TSEN2: variants seen among roughly 807,000 people sequenced by gnomAD.
TSEN2 encodes the protein tRNA-splicing endonuclease subunit Sen2.
In TSEN2, 54 loss-of-function variants were observed where a neutral mutation model predicts 59.2. The ratio of observed to expected loss-of-function variants is 0.91; its 90% confidence interval spans 0.73 to 1.14. The LOEUF (loss-of-function observed/expected upper bound fraction) is 1.14. TSEN2 is among the 50% of genes most tolerant of loss of function. The probability of loss-of-function intolerance (pLI) is 0.00; values close to 1 mark genes in which losing one functional copy is unlikely to be tolerated. For missense variants in TSEN2, 636 were observed against 576.2 expected (o/e 1.10, Z -1.06); for synonymous variants, 195 against 198.2 (o/e 0.98, Z 0.14).
rs1474370107 is a variant in TSEN2 at position 12,503,722 on chromosome 3, TACGTG to T, written c.770_774del (p.Tyr257SerfsTer18). On this transcript the variant is annotated frameshift_variant, in exon 5 of 12. Transcript: ENST00000284995. LOFTEE classifies it high-confidence loss of function. Reference sequence around the variant, plus strand: ...TGGGGACAGAGGGCCTGACCATGAGTACGTGCTGGTCGAGGAAGCGGAGTGTGCCA... The same window carrying T: ...TGGGGACAGAGGGCCTGACCATGAGTCTGGTCGAGGAAGCGGAGTGTGCCA... The T allele has an allele frequency of 1.9e-6, 3 of 1,613,836 alleles. No homozygotes were observed. In the African/African-American group the frequency reaches 4.0e-5, roughly 22 times the overall value.
At chr3:12,517,470 A>G (rs1269631187) in intron 7 of TSEN2, among the ~76,000 whole-genome samples, 1 of 152,170 alleles carries the variant, frequency 6.6e-6, no homozygotes, top group African/African-American at 2.4e-5. Flanking sequence ...ACCTATGTCC[A>G]AGTAACTCCA....
intron 7 of TSEN2, among the ~76,000 whole-genome samples, chr3:12,517,516 T>G (rs1351618478): frequency 6.6e-6 from 1 of 152,136 alleles, no homozygotes; most frequent in Non-Finnish European, 1.5e-5. Context: ...GCCTGCTGCC[T>G]TTGGAAGGGA....
intron 3 of TSEN2, among the ~76,000 whole-genome samples, chr3:12,493,115 C>T (rs1317680139): frequency 2.0e-5 from 3 of 152,004 alleles, no homozygotes; most frequent in Admixed American, 1.3e-4. Flanking sequence ...AACTTCATTC[C>T]GTTTTATAGT....
intron 1 of TSEN2, among the ~76,000 whole-genome samples, chr3:12,488,685 G>A (rs3856808): frequency 6.6e-6 from 1 of 152,144 alleles, no homozygotes; most frequent in Non-Finnish European, 1.5e-5. Flanking sequence ...ACACGTACTG[G>A]CTTTGGCTTT....
chr3:12,495,257 G>GT (rs1467243888), intron 3 of TSEN2, among the ~76,000 whole-genome samples: 1 of 151,288 alleles, frequency 6.6e-6, no homozygotes, highest in South Asian at 2.1e-4. Flanking sequence ...GTAACTTTTG[G>GT]TTTTTTTGGA....
intron 8 of TSEN2, among the ~76,000 whole-genome samples, 160 bp downstream of exon 8, chr3:12,519,357 T>G (rs936956012): frequency 1.3e-5 from 2 of 152,194 alleles, no homozygotes; most frequent in African/African-American, 4.8e-5. Flanking sequence ...TAAGGGTAAG[T>G]GCAAAAAGAG....
At chr3:12,523,526 C>CATTTTTTTTTTTTTTTTTTTTT (rs2056820573) in intron 8 of TSEN2, among the ~76,000 whole-genome samples, 1 of 46,480 alleles carries the variant, frequency 2.2e-5, no homozygotes, top group Non-Finnish European at 4.3e-5. Context: ...CTCTTTGATT[C>CATTTTTTTTTTTTTTTTTTTTT]TTTTTTTTTT....
intron 6 of TSEN2, among the ~76,000 whole-genome samples, chr3:12,505,806 G>C (rs75800003): frequency 6.9e-6 from 1 of 145,036 alleles, no homozygotes; most frequent in Non-Finnish European, 1.5e-5. Context: ...AAAAAAAAAG[G>C]CTTTATGTTG....
Position 12,529,862 on chromosome 3 carries a change from A to G in TSEN2, c.1237A>G (p.Asn413Asp). 1.2e-6 allele frequency: 2 copies of G among 1,613,836 alleles called. No homozygotes were observed. Among genetic ancestry groups the G allele is most frequent in the Non-Finnish European group, 1.7e-6 (2 of 1,179,998 alleles). The change falls in exon 10 of 12, where the codon AAT (asparagine) becomes GAT (aspartate). Residue 413 changes from asparagine to aspartate, a missense_variant. By Grantham distance (23) the Asn-to-Asp change is conservative. Transcript: ENST00000284995. ...GGCTGCCTTGAGCAGAGTTTCCGTT[A>G]ATGTCTCTAAGGTAACACAACATCA... The part of the protein sequence containing the change: ...SLAALSRVSV[N>D]VSKELMLCYL...
chr3:12,533,558 A>G lies in TSEN2; in HGVS notation c.*837A>G, dbSNP rs1327110387. 3 of 150,714 alleles carry G rather than the reference A, an allele frequency of 2.0e-5. No homozygotes were observed. In the Admixed American group the frequency reaches 2.0e-4, roughly 10 times the overall value. The allele number at this position is 150,714 out of a possible 1,614,324, so 9.3% of individuals were successfully genotyped here. On this transcript the variant is annotated 3_prime_UTR_variant, in exon 12 of 12. Transcript: ENST00000284995. ...GCCTGTAATTCCAGCTGCTCAGGAG[A>G]CTAAGGTAGGAGGATCGCTTGAGCC...
intron 3 of TSEN2, among the ~76,000 whole-genome samples, chr3:12,493,871 C>A (rs890895907): frequency 6.6e-6 from 1 of 152,032 alleles, no homozygotes; most frequent in Non-Finnish European, 1.5e-5. Flanking sequence ...ATTGCCTGTG[C>A]TTTTGGTATC....
intron 7 of TSEN2, 55 bp from the exon 8 acceptor site, chr3:12,519,004 C>T (rs1316848722): frequency 3.3e-5 from 52 of 1,587,738 alleles, no homozygotes; most frequent in East Asian, 4.5e-5. Context: ...CCTGGCTGAA[C>T]GGAGAGTGAA....
In TSEN2 at chr3:12,527,123, G is replaced by C. The variant is rs1031090046; in HGVS notation, c.1100-1765G>C. Among the ~76,000 whole-genome samples the C allele has an allele frequency of 5.9e-5, 9 of 152,308 alleles. No homozygotes were observed. In the South Asian group the frequency reaches 1.9e-3, roughly 32 times the overall value. ...TTTCCAGTACACTCCATCTCAAAAAGTTGAAAATTGTATGTTTGGATATTT... is the reference window on the plus strand; with the variant it reads ...TTTCCAGTACACTCCATCTCAAAAACTTGAAAATTGTATGTTTGGATATTT... On this transcript the variant is annotated intron_variant, in intron 8 of 11. Coordinates refer to ENST00000284995, the MANE Select transcript of TSEN2 (RefSeq NM_025265.4).
intron 5 of TSEN2, 133 bp downstream of exon 5, chr3:12,503,917 C>T: frequency 8.4e-7 from 1 of 1,191,526 alleles, no homozygotes. Context: ...GGCTTTGGGC[C>T]ACAGCAGCTG....
intron 4 of TSEN2, among the ~76,000 whole-genome samples, chr3:12,500,838 C>T (rs143744508): frequency 6.6e-6 from 1 of 152,280 alleles, no homozygotes; most frequent in East Asian, 1.9e-4. Flanking sequence ...TTGGAACCCA[C>T]GTCTGCTTTG....
Position 12,517,231 on chromosome 3 carries a change from G to A in TSEN2, c.960+570G>A, listed in dbSNP as rs528939103. Reference sequence around the variant, plus strand: ...AAATTAGCCGGGCGTGTTGGCATGCGCCTGTAGTTCCAGCTAATCAAGAGG... The same window carrying A: ...AAATTAGCCGGGCGTGTTGGCATGCACCTGTAGTTCCAGCTAATCAAGAGG... On this transcript the variant is annotated intron_variant, in intron 7 of 11. Coordinates refer to ENST00000284995, the MANE Select transcript of TSEN2 (RefSeq NM_025265.4). Among the ~76,000 whole-genome samples, 10 of 151,922 alleles carry A rather than the reference G, an allele frequency of 6.6e-5. No homozygotes were observed. In the South Asian group the frequency reaches 1.5e-3, roughly 22 times the overall value.
At position 12,523,526 on chromosome 3, in the gene TSEN2, CTTTTTTTTT is replaced by C. The variant is rs546904336; in HGVS notation, c.1099+4346_1099+4354del. On this transcript the variant is annotated intron_variant, in intron 8 of 11. Coordinates refer to ENST00000284995, the MANE Select transcript of TSEN2 (RefSeq NM_025265.4). ...CTTCTCCTCATCTTCCTCTTTGATT[CTTTTTTTTT>C]TTTTTTTTTTTTTTTTGAGACAAAG... 3.4e-4 allele frequency among the ~76,000 whole-genome samples: 16 copies of C among 46,478 alleles called. 1 individual carries two copies. Among genetic ancestry groups the C allele is most frequent in the Middle Eastern group, 0.021 (1 of 48 alleles). 30.5% of individuals were successfully genotyped at this position (46,478 alleles called of 152,430 possible). A position where few individuals can be genotyped will look rare whatever the true frequency, so the allele number is the denominator to read the frequency against.
At chr3:12,493,486 T>C (rs760136474) in intron 3 of TSEN2, among the ~76,000 whole-genome samples, 12 of 152,198 alleles carry the variant, frequency 7.9e-5, no homozygotes, top group Admixed American at 4.6e-4. Context: ...CCCAGCACTT[T>C]GGGAGGCCGA....
chr3:12,495,230 G>A (rs936683508), intron 3 of TSEN2, among the ~76,000 whole-genome samples: 2 of 151,606 alleles, frequency 1.3e-5, no homozygotes, highest in Non-Finnish European at 2.9e-5. Context: ...TAACCACAGA[G>A]TGAGAAATTA....
Sources: gnomAD v4.1 joint callset for allele counts (sites outside exome capture counted in the v4.1 genomes callset) on GRCh38, gnomAD v4.1.1 for gene constraint, MANE v1.5 for transcripts, NCBI Gene and HGNC (gene_info 2026-07-23, HGNC 2026-07-21) for gene names.